The following ELP4 variants were observed in gnomAD, a reference collection of about 807,000 sequenced individuals.
ELP4 encodes elongator acetyltransferase complex subunit 4, also known as elongator complex protein 4.
A neutral mutation model predicts 48.9 loss-of-function variants in ELP4; 51 were observed. That is an observed-to-expected ratio of 1.04 (90% CI 0.83 to 1.32). The LOEUF is 1.32. Among genes scored for constraint, ELP4 ranks in the 40% most tolerant of loss-of-function variants. The pLI, the probability that ELP4 is intolerant of heterozygous loss-of-function variation, is 0.00. For synonymous variants in ELP4, 210 were observed against 189.2 expected, an observed-to-expected ratio of 1.11 and a Z score of -0.90; for missense variants, 519 against 514.6, an observed-to-expected ratio of 1.01 and a Z score of -0.08.
chr11:31,660,611 G>A (rs897809149), intron 9 of ELP4, among the ~76,000 whole-genome samples: 3 of 151,608 alleles, frequency 2.0e-5, no homozygotes, highest in African/African-American at 7.3e-5. Context: ...CAGCTTTTAA[G>A]GGAAAATTGC....
Position 31,783,626 on chromosome 11 carries a change from C to A in ELP4, c.*102C>A. On this transcript the variant is annotated 3_prime_UTR_variant, in exon 10 of 10. Transcript: ENST00000640961. ...TTCTTAACAATTTGACCCTCCACTC[C>A]TTGAAAAACACAGGATTATAAAATG... 1 of 1,099,824 alleles carries A rather than the reference C, an allele frequency of 9.1e-7. No individual in the cohort carries two copies. The highest frequency in any genetic ancestry group is 1.3e-6 in the Non-Finnish European group (1 of 796,260). 68.1% of individuals were successfully genotyped at this position (1,099,824 alleles called of 1,614,324 possible).
chr11:31,590,725 A>G (rs1383561638), intron 3 of ELP4, among the ~76,000 whole-genome samples: 1 of 152,206 alleles, frequency 6.6e-6, no homozygotes, highest in East Asian at 1.9e-4. Flanking sequence ...GCAAATTGAG[A>G]ACAGGCATCT....
In ELP4 at chr11:31,789,803, C is replaced by T. The variant is rs1309991764; in HGVS notation, c.*6279C>T. The T allele has an allele frequency of 4.9e-6, 4 of 816,632 alleles. No homozygotes were observed. Among genetic ancestry groups the T allele is most frequent in the East Asian group, 5.3e-5 (2 of 37,448 alleles). 50.6% of individuals were successfully genotyped at this position (816,632 alleles called of 1,614,324 possible). A position where few individuals can be genotyped will look rare whatever the true frequency, so the allele number is the denominator to read the frequency against. On this transcript the variant is annotated 3_prime_UTR_variant, in exon 10 of 10. Coordinates refer to ENST00000640961, the MANE Select transcript of ELP4 (RefSeq NM_019040.5). ...CCTTCCCCAGTGGTACAATACAGGA[C>T]ACAATTGTAGAACTGAAGCGGCTCT...
At position 31,661,534 on chromosome 11, in the gene ELP4, T is replaced by G. The variant is rs79037684; in HGVS notation, c.1143+11313T>G. Among the ~76,000 whole-genome samples the G allele has an allele frequency of 2.0e-3, 300 of 152,148 alleles. 3 individuals carry two copies. Among genetic ancestry groups the G allele is most frequent in the African/African-American group, 6.9e-3 (288 of 41,556 alleles). Reference sequence around the variant, plus strand: ...TTTTAGAGCATAGGTGTTATAAACGTAGGTATTTTTATTCATCATTGTATC... The same window carrying G: ...TTTTAGAGCATAGGTGTTATAAACGGAGGTATTTTTATTCATCATTGTATC... On this transcript the variant is annotated intron_variant, in intron 9 of 9. Transcript: ENST00000640961.
At chr11:31,736,392 A>T (rs1947318091) in intron 9 of ELP4, among the ~76,000 whole-genome samples, 1 of 152,200 alleles carries the variant, frequency 6.6e-6, no homozygotes, top group Non-Finnish European at 1.5e-5. Context: ...AACCTAGGTA[A>T]TACCATTCAG....
intron 3 of ELP4, among the ~76,000 whole-genome samples, chr11:31,568,212 A>G (rs965588218): frequency 3.9e-5 from 6 of 152,232 alleles, no homozygotes; most frequent in Admixed American, 6.5e-5. Flanking sequence ...AATAGCCACA[A>G]AAAGAATAAA....
intron 5 of ELP4, among the ~76,000 whole-genome samples, chr11:31,622,729 C>A (rs1944649582): frequency 6.6e-6 from 1 of 151,356 alleles, no homozygotes; most frequent in Non-Finnish European, 1.5e-5. Flanking sequence ...TAATTTTTTT[C>A]TATCATCTCT....
In ELP4 at chr11:31,763,699, A is replaced by AT. The variant is rs1440874942; in HGVS notation, c.1144-19694_1144-19693insT. The AT allele has an allele frequency of 5.2e-6, 4 of 769,668 alleles. No individual in the cohort carries two copies. The African/African-American group carries it at 7.1e-5, about 14-fold the overall frequency. The allele number at this position is 769,668 out of a possible 1,614,324, so 47.7% of individuals were successfully genotyped here. A position where few individuals can be genotyped will look rare whatever the true frequency, so the allele number is the denominator to read the frequency against. On this transcript the variant is annotated intron_variant, in intron 9 of 9. Transcript: ENST00000640961. The stretch of plus-strand genomic sequence containing the variant: ...CCAAAGATTAAACTTTACAGCTAAA[A>AT]CTGCAACCAACATGAGTACTTTACT...
intron 7 of ELP4, chr11:31,645,931 T>A (rs1945188576): frequency 6.7e-6 from 1 of 149,854 alleles, no homozygotes; most frequent in African/African-American, 2.5e-5. Context: ...ATTTTCAAGT[T>A]GACTCATTGT....
chr11:31,585,118 G>T (rs1429111459), intron 3 of ELP4, among the ~76,000 whole-genome samples: 1 of 152,092 alleles, frequency 6.6e-6, no homozygotes, highest in African/African-American at 2.4e-5. Flanking sequence ...AAAATCAGTT[G>T]TGACAAACAA....
At chr11:31,752,345 C>T (rs1045862745) in intron 9 of ELP4, among the ~76,000 whole-genome samples, 13 of 152,122 alleles carry the variant, frequency 8.5e-5, no homozygotes, top group African/African-American at 2.9e-4. Flanking sequence ...GGGTCACCAT[C>T]AGGGACAAAG....
intron 9 of ELP4, among the ~76,000 whole-genome samples, chr11:31,759,812 T>G (rs1242590587): frequency 6.6e-6 from 1 of 151,990 alleles, no homozygotes; most frequent in East Asian, 1.9e-4. Context: ...GTTCAAGGGA[T>G]TCTTGTGCCT....
chr11:31,686,269 A>AT (rs1358463775), intron 9 of ELP4, among the ~76,000 whole-genome samples: 1 of 149,494 alleles, frequency 6.7e-6, no homozygotes, highest in East Asian at 1.9e-4. Flanking sequence ...CCTGAAACTA[A>AT]TTTTTATTCT....
chr11:31,536,660 T>G (rs907799712), intron 2 of ELP4, among the ~76,000 whole-genome samples: 3 of 152,200 alleles, frequency 2.0e-5, no homozygotes, highest in African/African-American at 7.2e-5. Flanking sequence ...TCTGCCAAAC[T>G]GTTTTCTAAT....
intron 7 of ELP4, among the ~76,000 whole-genome samples, chr11:31,635,207 G>A (rs1055442494): frequency 6.6e-6 from 1 of 151,940 alleles, no homozygotes; most frequent in Non-Finnish European, 1.5e-5. Context: ...AAGAGAATAA[G>A]AATTGCAAGC....
intron 9 of ELP4, among the ~76,000 whole-genome samples, chr11:31,776,998 C>CCCGG (rs1948262025): frequency 6.6e-6 from 1 of 152,054 alleles, no homozygotes; most frequent in South Asian, 2.1e-4. Context: ...TTTCCACTGG[C>CCCGG]CTATTCATAT....
intron 2 of ELP4, among the ~76,000 whole-genome samples, chr11:31,525,885 C>G (rs1339978531): frequency 1.3e-5 from 2 of 152,056 alleles, no homozygotes. Flanking sequence ...TAAGCTGTTC[C>G]AATGGTCTGG....
chr11:31,543,940 G>C lies in ELP4; in HGVS notation c.381+4157G>C, dbSNP rs140005175. On this transcript the variant is annotated intron_variant, in intron 3 of 9. Transcript: ENST00000640961. ...AATCAAAAAGAATTCACAACCACCAGACTTGCATTGTAAGAAATACTAAAG... is the reference window on the plus strand; with the variant it reads ...AATCAAAAAGAATTCACAACCACCACACTTGCATTGTAAGAAATACTAAAG... Among the ~76,000 whole-genome samples the C allele has an allele frequency of 1.5e-3, 231 of 152,240 alleles. 4 individuals are homozygous for C. The East Asian group carries it at 0.018, about 12-fold the overall frequency.
intron 9 of ELP4, among the ~76,000 whole-genome samples, chr11:31,655,317 G>T (rs1470476362): frequency 1.3e-5 from 2 of 151,762 alleles, no homozygotes; most frequent in Non-Finnish European, 2.9e-5. Context: ...GGAGAACACA[G>T]TTTTGAGAAT....
Sources: allele counts gnomAD v4.1 joint callset (sites outside exome capture counted in the v4.1 genomes callset), GRCh38; gene constraint gnomAD v4.1.1; transcripts MANE v1.5; gene names NCBI Gene and HGNC (gene_info 2026-07-23, HGNC 2026-07-21).